The following CABIN1 variants were observed in gnomAD, a reference collection of about 807,000 sequenced individuals.
The protein encoded by CABIN1 is calcineurin binding protein 1.
In CABIN1, 133 loss-of-function variants were observed where a neutral mutation model predicts 227.7. The observed-to-expected ratio is 0.58, with a 90% CI of 0.51 to 0.67. The LOEUF is 0.67. CABIN1 is among the 30% of genes least tolerant of loss of function. CABIN1 has a pLI of 0.00. For synonymous variants in CABIN1, 1,086 were observed against 1,155.1 expected, an observed-to-expected ratio of 0.94 and a Z score of 1.21; for missense variants, 2,408 against 2,852.5, an observed-to-expected ratio of 0.84 and a Z score of 3.55.
chr22:24,076,409 A>T, intron 19 of CABIN1, 125 bp downstream of exon 19: 1 of 745,740 alleles, frequency 1.3e-6, no homozygotes, highest in South Asian at 1.5e-5. Context: ...CAGTGGGCCC[A>T]CTGTGTGTCT....
chr22:24,091,664 G>C lies in CABIN1; in HGVS notation c.3607G>C (p.Glu1203Gln). Residue 1203 changes from glutamate to glutamine, a missense_variant, in exon 24 of 37, where the codon GAG becomes CAG. Glu to Gln is a conservative substitution (Grantham distance 29). Around this residue, in one of 3 missense-constraint regions of CABIN1, gnomAD observed 649 missense variants for 910.3 expected, o/e 0.71. Transcript: ENST00000263119. Reference protein sequence around the residue: ...SAARCEGDGDEEEWLIHYMLG... With the variant: ...SAARCEGDGDQEEWLIHYMLG... ...AGCCCGCTGCGAGGGTGATGGTGAC[G>C]AGGAGGAGTGGCTCATCCACTACAT... 1 of 1,614,200 alleles carries C rather than the reference G, an allele frequency of 6.2e-7. No homozygotes were observed. Among genetic ancestry groups the C allele is most frequent in the Non-Finnish European group, 8.5e-7 (1 of 1,179,998 alleles).
intron 1 of CABIN1, among the ~76,000 whole-genome samples, chr22:24,024,840 G>A (rs1432952846): frequency 1.3e-5 from 2 of 151,870 alleles, no homozygotes; most frequent in African/African-American, 4.8e-5. Context: ...ATTTTTGTTT[G>A]ATTTCTTTTT....
intron 1 of CABIN1, among the ~76,000 whole-genome samples, chr22:24,012,608 T>C (rs1569060700): frequency 1.3e-5 from 2 of 152,190 alleles, no homozygotes; most frequent in African/African-American, 2.4e-5. Context: ...TTTATCGTGT[T>C]CTGAGGCCAT....
intron 26 of CABIN1, among the ~76,000 whole-genome samples, chr22:24,111,810 T>A (rs529260366): frequency 6.6e-6 from 1 of 152,400 alleles, no homozygotes; most frequent in East Asian, 1.9e-4. Flanking sequence ...ATTGTCGGTA[T>A]GTCTAGTGAC....
chr22:24,145,896 G>A (rs2045081512), intron 29 of CABIN1, among the ~76,000 whole-genome samples: 2 of 152,158 alleles, frequency 1.3e-5, no homozygotes, highest in South Asian at 4.1e-4. Flanking sequence ...CTTTTCCTGG[G>A]GTATCCCCAT....
At chr22:24,034,135 A>G (rs2036695552) in intron 1 of CABIN1, among the ~76,000 whole-genome samples, 2 of 152,206 alleles carry the variant, frequency 1.3e-5, no homozygotes, top group Admixed American at 6.5e-5. Context: ...TTGTGCTCCT[A>G]TGAGAATCTA....
intron 16 of CABIN1, among the ~76,000 whole-genome samples, chr22:24,069,757 T>TG (rs111346442): frequency 0.026 from 3,998 of 151,910 alleles, 161 homozygotes; most frequent in African/African-American, 0.091. Flanking sequence ...ATTTATAAAT[T>TG]GGGGGGGGTT....
chr22:24,147,520 G>A (rs1447946272), intron 29 of CABIN1, among the ~76,000 whole-genome samples: 3 of 150,512 alleles, frequency 2.0e-5, no homozygotes, highest in African/African-American at 7.3e-5. Flanking sequence ...CGTGATCACA[G>A]CTCACTAAAT....
intron 5 of CABIN1, among the ~76,000 whole-genome samples, chr22:24,042,037 G>A (rs553122011): frequency 1.3e-5 from 2 of 152,242 alleles, no homozygotes; most frequent in African/African-American, 2.4e-5. Flanking sequence ...CTGCAGCCTC[G>A]ACTTCCCAGG....
chr22:24,064,535 T>A (rs868666681), intron 15 of CABIN1, among the ~76,000 whole-genome samples: 53 of 147,876 alleles, frequency 3.6e-4, no homozygotes, highest in Middle Eastern at 3.5e-3. Context: ...TTTTTTTTTT[T>A]ATTGATCATT....
Position 24,066,993 on chromosome 22 carries a change from A to G in CABIN1, c.2044A>G (p.Lys682Glu). 6.2e-7 allele frequency: 1 copy of G among 1,614,210 alleles called. No homozygotes were observed. The change falls in exon 16 of 37, where the codon AAG becomes GAG. Residue 682 changes from lysine to glutamate, a missense_variant. By Grantham distance (56) the Lys-to-Glu change is moderately conservative. This residue lies in a region of CABIN1 where 1,045 missense variants were observed against 1,168.4 expected (regional missense o/e 0.89). Coordinates refer to ENST00000263119, the MANE Select transcript of CABIN1 (RefSeq NM_012295.4). ...DSVVSLEEID[K>E]NLKSLERCQS... ...ATTGCCGGGCCTTTTTCAGATTGAT[A>G]AGAACCTGAAGTCGCTGGAGCGGTG... is the stretch of plus-strand genomic sequence containing the variant.
chr22:24,119,470 C>A lies in CABIN1; in HGVS notation c.4404C>A (p.Gly1468=). Reference sequence around the variant, plus strand: ...CCCCAGCCTCTGCTTGCATCCCTGGCAAGCCCTCAGCATCCACACCCACCC... The same window carrying A: ...CCCCAGCCTCTGCTTGCATCCCTGGAAAGCCCTCAGCATCCACACCCACCC... The part of the protein sequence containing the change: ...AETPASACIP[G]KPSASTPTLW... The change falls in exon 28 of 37, where the codon GGC becomes GGA. Residue 1468 remains glycine (G), a synonymous_variant. Transcript: ENST00000263119. 1.2e-6 allele frequency: 2 copies of A among 1,614,126 alleles called. No individual in the cohort carries two copies. Among genetic ancestry groups the A allele is most frequent in the Non-Finnish European group, 1.7e-6 (2 of 1,180,032 alleles).
At chr22:24,138,134 G>A (rs1022038085) in intron 29 of CABIN1, among the ~76,000 whole-genome samples, 5 of 152,206 alleles carry the variant, frequency 3.3e-5, no homozygotes, top group African/African-American at 7.2e-5. Flanking sequence ...CGTGCCTTCT[G>A]TTATTTTTTA....
At chr22:24,103,958 C>T (rs1156884138) in intron 26 of CABIN1, among the ~76,000 whole-genome samples, 1 of 152,000 alleles carries the variant, frequency 6.6e-6, no homozygotes, top group Admixed American at 6.5e-5. Flanking sequence ...GGGAAGAATT[C>T]CTGGAGAAGG....
intron 28 of CABIN1, among the ~76,000 whole-genome samples, chr22:24,126,774 A>G (rs2043751445): frequency 6.6e-6 from 1 of 152,150 alleles, no homozygotes; most frequent in African/African-American, 2.4e-5. Flanking sequence ...CAAGGCGGGC[A>G]AATCACTTGA....
chr22:24,126,898 C>T (rs2043760866), intron 28 of CABIN1, among the ~76,000 whole-genome samples: 1 of 150,790 alleles, frequency 6.6e-6, no homozygotes, highest in Non-Finnish European at 1.5e-5. Context: ...ACTCAGTAGG[C>T]TAAGGAAGGA....
intron 32 of CABIN1, among the ~76,000 whole-genome samples, chr22:24,167,948 C>T (rs2046551987): frequency 6.6e-6 from 1 of 152,208 alleles, no homozygotes; most frequent in African/African-American, 2.4e-5. Context: ...CTCTCCCACT[C>T]TAATCATGGC....
At position 24,119,693 on chromosome 22, in the gene CABIN1, C is replaced by A. The variant is rs1382470873; in HGVS notation, c.4627C>A (p.His1543Asn). The change falls in exon 28 of 37, where the codon CAC becomes AAC. Residue 1543 changes from histidine to asparagine, a missense_variant. By Grantham distance (68) the His-to-Asn change is moderately conservative. This residue lies in a region of CABIN1 where 649 missense variants were observed against 910.3 expected (regional missense o/e 0.71). Coordinates refer to ENST00000263119, the MANE Select transcript of CABIN1 (RefSeq NM_012295.4). ...LAFLYTYSKT[H>N]RNLQWARDVL... Reference sequence around the variant, plus strand: ...CTTCCTCTACACCTACAGCAAGACCCACCGGGTGAGTGGCTGCCGGGCCAA... The same window carrying A: ...CTTCCTCTACACCTACAGCAAGACCAACCGGGTGAGTGGCTGCCGGGCCAA... The A allele has an allele frequency of 6.2e-7, 1 of 1,613,866 alleles. No individual in the cohort carries two copies. The highest frequency in any genetic ancestry group is 2.2e-5 in the East Asian group (1 of 44,884).
chr22:24,178,203 A>T lies in CABIN1; in HGVS notation c.*7A>T. 6.2e-7 allele frequency: 1 copy of T among 1,612,620 alleles called. No homozygotes were observed. Among genetic ancestry groups the T allele is most frequent in the African/African-American group, 1.3e-5 (1 of 75,016 alleles). On this transcript the variant is annotated 3_prime_UTR_variant, in exon 37 of 37. Transcript: ENST00000263119. ...CGACTACATGGACATTTGAGGGGCC[A>T]CTGCAGCCCCACCGCCACGCCCCAG... is the stretch of plus-strand genomic sequence containing the variant.
Sources: gnomAD v4.1 joint callset for allele counts (sites outside exome capture counted in the v4.1 genomes callset) on GRCh38, gnomAD v4.1.1 for gene constraint, gnomAD v4.1.1 regional missense constraint, MANE v1.5 for transcripts, NCBI Gene and HGNC (gene_info 2026-07-23, HGNC 2026-07-21) for gene names.